The following CNTLN variants were observed in gnomAD, a reference collection of about 807,000 sequenced individuals.
CNTLN encodes centlein, centrosomal protein.
A neutral mutation model predicts 180.0 loss-of-function variants in CNTLN; 212 were observed. The observed-to-expected ratio is 1.18, with a 90% CI of 1.05 to 1.32. CNTLN has a LOEUF of 1.32. Ranked by LOEUF, CNTLN falls within the 40% of genes most tolerant of loss-of-function variation. CNTLN has a pLI of 0.00. For missense variants in CNTLN, 2,095 were observed against 1,610.9 expected, an observed-to-expected ratio of 1.30 and a Z score of -5.14; for synonymous variants, 722 against 563.1, an observed-to-expected ratio of 1.28 and a Z score of -3.99.
intron 18 of CNTLN, among the ~76,000 whole-genome samples, chr9:17,431,651 T>C (rs1267239504): frequency 6.6e-6 from 1 of 152,112 alleles, no homozygotes; most frequent in Non-Finnish European, 1.5e-5. Context: ...CCAGTGTTTC[T>C]TCCTAGTAGT....
intron 18 of CNTLN, among the ~76,000 whole-genome samples, chr9:17,424,970 A>G (rs902981745): frequency 3.3e-5 from 5 of 152,180 alleles, no homozygotes; most frequent in African/African-American, 1.2e-4. Flanking sequence ...TAGACAGCAA[A>G]CTAAGACGGA....
At chr9:17,273,539 T>A (rs143123149) in intron 5 of CNTLN, among the ~76,000 whole-genome samples, 194 bp from the exon 6 acceptor site, 160 of 152,304 alleles carry the variant, frequency 1.1e-3, no homozygotes, top group Admixed American at 2.9e-3. Context: ...GAGGCCATGA[T>A]GTTTTTAAGT....
intron 2 of CNTLN, among the ~76,000 whole-genome samples, chr9:17,162,967 C>G (rs575839284): frequency 3.9e-5 from 6 of 152,198 alleles, no homozygotes; most frequent in African/African-American, 1.2e-4. Flanking sequence ...AAAGATGTAC[C>G]TGAGACTGGG....
At chr9:17,286,475 A>T (rs1334367614) in intron 6 of CNTLN, among the ~76,000 whole-genome samples, 5 of 111,786 alleles carry the variant, frequency 4.5e-5, no homozygotes, top group African/African-American at 1.6e-4. Context: ...CTTAGGATTG[A>T]CTTGGCGATG....
chr9:17,312,365 T>TATA (rs1563984875), intron 8 of CNTLN, among the ~76,000 whole-genome samples: 1 of 7,214 alleles, frequency 1.4e-4, no homozygotes, highest in African/African-American at 2.3e-4. Flanking sequence ...ATATATATAT[T>TATA]ATATATATAT....
At chr9:17,212,566 T>A (rs1326061290) in intron 2 of CNTLN, among the ~76,000 whole-genome samples, 2 of 152,208 alleles carry the variant, frequency 1.3e-5, no homozygotes, top group African/African-American at 4.8e-5. Flanking sequence ...GATGCTGGCC[T>A]CATAGAATGA....
intron 2 of CNTLN, among the ~76,000 whole-genome samples, chr9:17,145,508 A>G (rs924872556): frequency 7.2e-5 from 11 of 152,210 alleles, no homozygotes; most frequent in African/African-American, 2.7e-4. Context: ...ATTATGATCC[A>G]TTTAGGTCTG....
chr9:17,487,625 C>G (rs2499054), intron 25 of CNTLN, among the ~76,000 whole-genome samples: 14,341 of 152,076 alleles, frequency 0.094, 814 homozygotes, highest in South Asian at 0.2. Context: ...AAATTTCCAC[C>G]AGAGGCCCCT....
intron 2 of CNTLN, among the ~76,000 whole-genome samples, chr9:17,176,822 T>C (rs537468585): frequency 1.3e-5 from 2 of 152,284 alleles, no homozygotes; most frequent in Admixed American, 1.3e-4. Flanking sequence ...TTGTGCATCT[T>C]GAGGAACTGG....
At chr9:17,254,607 G>C (rs900149683) in intron 5 of CNTLN, among the ~76,000 whole-genome samples, 2 of 151,320 alleles carry the variant, frequency 1.3e-5, no homozygotes, top group Non-Finnish European at 3.0e-5. Context: ...AGTGATTTGA[G>C]CACATATAGA....
At position 17,474,741 on chromosome 9, in the gene CNTLN, G is replaced by A. The variant is rs756973819; in HGVS notation, c.3855+7850G>A. 1.8e-4 allele frequency among the ~76,000 whole-genome samples: 27 copies of A among 151,916 alleles called. 1 individual carries two copies. The highest frequency in any genetic ancestry group is 3.3e-4 in the Admixed American group (5 of 15,240). On this transcript the variant is annotated intron_variant, in intron 23 of 25. Transcript: ENST00000380647. Reference sequence around the variant, plus strand: ...AAATTAGCCAGGCATGGTGGCAAGCGCCTGTAATCCCTGCTACTTTGGAGG... The same window carrying A: ...AAATTAGCCAGGCATGGTGGCAAGCACCTGTAATCCCTGCTACTTTGGAGG...
chr9:17,475,523 T>C (rs1269774726), intron 23 of CNTLN, among the ~76,000 whole-genome samples: 1 of 138,384 alleles, frequency 7.2e-6, no homozygotes, highest in Non-Finnish European at 1.6e-5. Flanking sequence ...AGAGAGGGAA[T>C]GAACAGGGAA....
chr9:17,163,810 T>C (rs1471292760), intron 2 of CNTLN, among the ~76,000 whole-genome samples: 1 of 152,150 alleles, frequency 6.6e-6, no homozygotes, highest in Non-Finnish European at 1.5e-5. Context: ...TGTGGATTGC[T>C]TGAGCTCAGG....
At chr9:17,271,267 A>G (rs964320638) in intron 5 of CNTLN, among the ~76,000 whole-genome samples, 1 of 152,006 alleles carries the variant, frequency 6.6e-6, no homozygotes, top group African/African-American at 2.4e-5. Flanking sequence ...CCTTGGGAGC[A>G]TGATTTGTGG....
chr9:17,477,010 T>G (rs1213268662), intron 23 of CNTLN, among the ~76,000 whole-genome samples: 1 of 152,180 alleles, frequency 6.6e-6, no homozygotes, highest in Non-Finnish European at 1.5e-5. Flanking sequence ...AGCTGGGGAC[T>G]TTAAGTTGAA....
chr9:17,464,055 A>G (rs1025510770), intron 20 of CNTLN, among the ~76,000 whole-genome samples: 4 of 151,512 alleles, frequency 2.6e-5, no homozygotes, highest in Non-Finnish European at 5.9e-5. Flanking sequence ...ATATTAAATT[A>G]GAAGATATTA....
intron 6 of CNTLN, among the ~76,000 whole-genome samples, chr9:17,281,411 T>A (rs985888394): frequency 4.6e-5 from 7 of 152,030 alleles, no homozygotes; most frequent in Non-Finnish European, 1.0e-4. Flanking sequence ...CCACATATAT[T>A]AGCTATTTAT....
downstream of CNTLN, among the ~76,000 whole-genome samples, chr9:17,504,177 C>T (rs75524968): frequency 4.1e-3 from 625 of 152,192 alleles, 28 homozygotes; most frequent in East Asian, 0.096. Flanking sequence ...ATGTCACACA[C>T]TTAAGGCACA....
intron 18 of CNTLN, among the ~76,000 whole-genome samples, chr9:17,453,074 G>C (rs955177840): frequency 5.9e-5 from 9 of 152,162 alleles, no homozygotes; most frequent in African/African-American, 2.2e-4. Context: ...CATTTTGGGA[G>C]GCCGAGGCGG....
Sources: allele counts gnomAD v4.1 joint callset (sites outside exome capture counted in the v4.1 genomes callset), GRCh38; gene constraint gnomAD v4.1.1; transcripts MANE v1.5; gene names NCBI Gene and HGNC (gene_info 2026-07-23, HGNC 2026-07-21).